Variants in GMCL1 observed in about 807,000 individuals in gnomAD.
GMCL1 encodes germ cell-less 1, spermatogenesis associated.
GMCL1 carries 54 observed loss-of-function variants against 75.5 expected under a neutral mutation model. The observed-to-expected ratio is 0.71, with a 90% CI of 0.57 to 0.90. The LOEUF (loss-of-function observed/expected upper bound fraction) is 0.90, where lower values mean the gene tolerates loss of function less well. Among genes scored for constraint, GMCL1 ranks in the 40% least tolerant of loss-of-function variants. GMCL1 has a pLI of 0.00. For missense variants in GMCL1, 537 were observed against 622.7 expected, an observed-to-expected ratio of 0.86 and a Z score of 1.47; for synonymous variants, 210 against 209.6, an observed-to-expected ratio of 1.00 and a Z score of -0.02.
At chr2:69,837,287 G>A (rs73936269) in intron 1 of GMCL1, among the ~76,000 whole-genome samples, 2,106 of 151,224 alleles carry the variant, frequency 0.014, 73 homozygotes, top group African/African-American at 0.049. Context: ...TGAAAAGTCT[G>A]CCTCCCATGC....
rs1424954196 is a variant in GMCL1, at chr2:69,830,050, A to G, written c.158A>G (p.Lys53Arg). 11 of 1,566,206 alleles carry G rather than the reference A, an allele frequency of 7.0e-6. No homozygotes were observed. The highest frequency in any genetic ancestry group is 8.7e-6 in the Non-Finnish European group (10 of 1,154,864). ...FCYCAGSHKR[K>R]RSSGSFCYCH... ...TACTGTGCGGGCAGCCACAAGCGCA[A>G]GCGGAGCAGCGGGTCCTTCTGCTAC... Residue 53 changes from lysine (K) to arginine (R), a missense_variant, in exon 1 of 14, where the codon AAG becomes AGG. Lys to Arg is a conservative substitution (Grantham distance 26). This residue lies in a region of GMCL1 where 144 missense variants were observed against 127.2 expected (regional missense o/e 1.13). Coordinates refer to ENST00000282570, the MANE Select transcript of GMCL1 (RefSeq NM_178439.5).
chr2:69,854,696 G>A (rs961018799), intron 8 of GMCL1, 127 bp from the exon 9 acceptor site: 20 of 702,930 alleles, frequency 2.8e-5, no homozygotes, highest in Non-Finnish European at 4.2e-5. Flanking sequence ...TAAAATTCTT[G>A]AGAACTTTAA....
intron 9 of GMCL1, among the ~76,000 whole-genome samples, chr2:69,857,851 A>G (rs1219852055): frequency 6.6e-6 from 1 of 152,196 alleles, no homozygotes; most frequent in Non-Finnish European, 1.5e-5. Flanking sequence ...ATGTTAGTGT[A>G]TGTATACCTG....
intron 7 of GMCL1, among the ~76,000 whole-genome samples, chr2:69,848,244 G>C (rs575687231): frequency 6.6e-6 from 1 of 152,160 alleles, no homozygotes; most frequent in South Asian, 2.1e-4. Context: ...CCTTTTGTCC[G>C]CAAAACAGTG....
At chr2:69,845,250 AGAGCCAGAGGTCCTGGAGATG>A (rs1255013758) in intron 6 of GMCL1, among the ~76,000 whole-genome samples, 7 of 152,256 alleles carry the variant, frequency 4.6e-5, no homozygotes, top group Admixed American at 2.6e-4. Flanking sequence ...AGCACAGCGC[AGAGCCAGAGGTCCTGGAGATG>A]GAGCCAGAGG....
intron 3 of GMCL1, among the ~76,000 whole-genome samples, chr2:69,839,757 T>A (rs190765691): frequency 6.6e-6 from 1 of 152,316 alleles, no homozygotes; most frequent in East Asian, 1.9e-4. Context: ...TTGGGCCTTA[T>A]CAGTTTGTTT....
intron 13 of GMCL1, among the ~76,000 whole-genome samples, chr2:69,878,317 C>T (rs1676182336): frequency 6.6e-6 from 1 of 152,148 alleles, no homozygotes; most frequent in African/African-American, 2.4e-5. Context: ...GGGTGATTTG[C>T]TGTACCCAAC....
chr2:69,850,798 A>G lies in GMCL1; in HGVS notation c.934+1056A>G, dbSNP rs183843951. Among the ~76,000 whole-genome samples the G allele has an allele frequency of 2.6e-5, 4 of 152,328 alleles. No individual in the cohort carries two copies. The East Asian group carries it at 7.7e-4, about 29-fold the overall frequency. On this transcript the variant is annotated intron_variant, in intron 8 of 13. Coordinates refer to ENST00000282570, the MANE Select transcript of GMCL1 (RefSeq NM_178439.5). Reference sequence around the variant, plus strand: ...TGATTGATTGCAAGCTACCAACATGACATCACTGAATGAGAAAGGAGATGC... The same window carrying G: ...TGATTGATTGCAAGCTACCAACATGGCATCACTGAATGAGAAAGGAGATGC...
chr2:69,847,738 G>T, intron 7 of GMCL1, 111 bp downstream of exon 7: 1 of 566,890 alleles, frequency 1.8e-6, no homozygotes, highest in Non-Finnish European at 3.1e-6. Context: ...TATAAATGTA[G>T]GAAAAGGAAA....
chr2:69,839,389 G>T, intron 2 of GMCL1, 68 bp from the exon 3 acceptor site: 1 of 943,784 alleles, frequency 1.1e-6, no homozygotes, highest in Non-Finnish European at 1.7e-6. Context: ...CTTAGAATTA[G>T]AAATGGGCAA....
At chr2:69,844,001 C>A in intron 5 of GMCL1, 130 bp from the exon 6 acceptor site, 1 of 456,266 alleles carries the variant, frequency 2.2e-6, no homozygotes, top group South Asian at 5.1e-5. Flanking sequence ...TACTAAATTT[C>A]CTATTGTTAA....
intron 1 of GMCL1, among the ~76,000 whole-genome samples, chr2:69,832,230 A>AG (rs1674695216): frequency 6.6e-6 from 1 of 152,112 alleles, no homozygotes; most frequent in Non-Finnish European, 1.5e-5. Flanking sequence ...AAAAAAAAAA[A>AG]AAAAATTCTG....
At chr2:69,844,995 G>T (rs1675094338) in intron 6 of GMCL1, 1 of 166,062 alleles carries the variant, frequency 6.0e-6, no homozygotes, top group Admixed American at 5.5e-5. Context: ...AGCGATTTGG[G>T]AAAACCTAGA....
intron 12 of GMCL1, 69 bp downstream of exon 12, chr2:69,869,933 A>G (rs1279061152): frequency 1.3e-6 from 2 of 1,483,260 alleles, no homozygotes; most frequent in Non-Finnish European, 9.2e-7. Context: ...AACCTTGATA[A>G]TTTACACCAA....
At chr2:69,836,424 T>A (rs1674818818) in intron 1 of GMCL1, among the ~76,000 whole-genome samples, 1 of 152,306 alleles carries the variant, frequency 6.6e-6, no homozygotes, top group African/African-American at 2.4e-5. Context: ...CATTGTCTCT[T>A]GATTTCGCAT....
At chr2:69,840,800 G>A (rs1008164978) in intron 3 of GMCL1, 142 bp from the exon 4 acceptor site, 5 of 484,458 alleles carry the variant, frequency 1.0e-5, no homozygotes, top group Non-Finnish European at 1.8e-5. Flanking sequence ...GTTTTAATTA[G>A]AGATACTTCT....
chr2:69,869,417 C>CAAAAAAA (rs34136837), intron 11 of GMCL1: 1 of 63,778 alleles, frequency 1.6e-5, no homozygotes, highest in Non-Finnish European at 2.9e-5. Context: ...GACTCTGTCT[C>CAAAAAAA]AAAAAAAAAA....
chr2:69,871,809 ATACT>A lies in GMCL1; in HGVS notation c.1433_1436del (p.Leu478HisfsTer10). Reference sequence around the variant, plus strand: ...ATGTAGTAGAACAACTGGCTATCAAATACTTACACTTGAAAAGGATCAGGTATGT... The same window carrying A: ...ATGTAGTAGAACAACTGGCTATCAAATACACTTGAAAAGGATCAGGTATGT... On this transcript the variant is annotated frameshift_variant, in exon 13 of 14. Coordinates refer to ENST00000282570, the MANE Select transcript of GMCL1 (RefSeq NM_178439.5). LOFTEE classifies it high-confidence loss of function. The A allele has an allele frequency of 6.3e-7, 1 of 1,591,332 alleles. No individual in the cohort carries two copies. The highest frequency in any genetic ancestry group is 8.6e-7 in the Non-Finnish European group (1 of 1,164,744).
At chr2:69,859,765 A>G (rs1353479698) in intron 9 of GMCL1, among the ~76,000 whole-genome samples, 2 of 146,434 alleles carry the variant, frequency 1.4e-5, no homozygotes, top group African/African-American at 2.5e-5. Context: ...AAAAGTATAT[A>G]TGGGATGTTT....
Sources: allele counts gnomAD v4.1 joint callset (sites outside exome capture counted in the v4.1 genomes callset), GRCh38; gene constraint gnomAD v4.1.1; regional missense constraint gnomAD v4.1.1; transcripts MANE v1.5; gene names NCBI Gene and HGNC (gene_info 2026-07-23, HGNC 2026-07-21).